Variants in DSCAML1 observed in about 807,000 individuals in gnomAD.
The protein encoded by DSCAML1 is cell adhesion molecule DSCAML1.
Under a neutral mutation model 200.5 loss-of-function variants are expected in DSCAML1, and 38 were observed. The ratio of observed to expected loss-of-function variants is 0.19; its 90% CI spans 0.15 to 0.25. DSCAML1 has a LOEUF of 0.25. Among genes scored for constraint, DSCAML1 ranks in the 10% least tolerant of loss-of-function variants. The pLI is 1.00. For missense variants in DSCAML1, 2,223 were observed against 2,858.8 expected, an observed-to-expected ratio of 0.78 and a Z score of 5.07; for synonymous variants, 1,215 against 1,165.0, an observed-to-expected ratio of 1.04 and a Z score of -0.87.
intron 3 of DSCAML1, among the ~76,000 whole-genome samples, chr11:117,728,315 A>G (rs2054166363): frequency 6.6e-6 from 1 of 152,220 alleles, no homozygotes. Flanking sequence ...ATAAACCTCT[A>G]GCTAACATCA....
At chr11:117,499,769 G>A (rs906508109) in intron 11 of DSCAML1, among the ~76,000 whole-genome samples, 1 of 152,192 alleles carries the variant, frequency 6.6e-6, no homozygotes, top group African/African-American at 2.4e-5. Context: ...GGGACCACTT[G>A]GGCCTGGTTG....
chr11:117,474,513 G>A (rs1332324108), intron 14 of DSCAML1, among the ~76,000 whole-genome samples: 2 of 152,008 alleles, frequency 1.3e-5, no homozygotes, highest in Non-Finnish European at 2.9e-5. Flanking sequence ...TCCAGCCTGG[G>A]CCTCTCCTTC....
intron 3 of DSCAML1, among the ~76,000 whole-genome samples, chr11:117,704,715 A>G (rs2053728751): frequency 6.6e-6 from 1 of 152,188 alleles, no homozygotes; most frequent in Non-Finnish European, 1.5e-5. Flanking sequence ...GGTAGGTGTC[A>G]TGCACACCCA....
intron 3 of DSCAML1, among the ~76,000 whole-genome samples, chr11:117,641,698 G>A (rs1308202365): frequency 2.0e-5 from 3 of 152,102 alleles, no homozygotes; most frequent in Non-Finnish European, 4.4e-5. Flanking sequence ...ACTCACAACT[G>A]CACCCCCACC....
At position 117,443,742 on chromosome 11, in the gene DSCAML1, C is replaced by A. The variant is rs111351342; in HGVS notation, c.3862+144G>T. The A allele has an allele frequency of 7.5e-4, 867 of 1,163,160 alleles. 7 individuals are homozygous for A. In the African/African-American group the frequency reaches 0.012, roughly 17 times the overall value. 72.1% of individuals were successfully genotyped at this position (1,163,160 alleles called of 1,614,324 possible). ...AGCAGAGGCCCAGTCTTGGTGTGTG[C>A]GGGAGGCAGGCGGGTGGCCAGTTCC... On this transcript the variant is annotated intron_variant, in intron 21 of 32. Transcript: ENST00000651296.
intron 8 of DSCAML1, among the ~76,000 whole-genome samples, chr11:117,512,789 A>ACACACACACACC (rs2049663841): frequency 6.7e-6 from 1 of 150,128 alleles, no homozygotes; most frequent in African/African-American, 2.4e-5. Context: ...ACACACACAC[A>ACACACACACACC]CACACACACA....
chr11:117,810,013 T>G (rs1443379091), intron 1 of DSCAML1, among the ~76,000 whole-genome samples: 2 of 150,364 alleles, frequency 1.3e-5, no homozygotes, highest in African/African-American at 4.9e-5. Context: ...ATTCCCACAC[T>G]CACACATATT....
chr11:117,569,790 G>A (rs916950367), intron 3 of DSCAML1, among the ~76,000 whole-genome samples: 1 of 152,182 alleles, frequency 6.6e-6, no homozygotes, highest in Non-Finnish European at 1.5e-5. Flanking sequence ...CTCCAGGCCT[G>A]GCTCCCAAGG....
intron 20 of DSCAML1, 127 bp from the exon 21 acceptor site, chr11:117,444,166 A>G: frequency 2.6e-6 from 3 of 1,162,706 alleles, no homozygotes; most frequent in South Asian, 1.7e-5. Context: ...ATTCTGTCCT[A>G]TTTGCCCTTT....
chr11:117,442,492 T>A (rs1176312057), intron 21 of DSCAML1, among the ~76,000 whole-genome samples: 7 of 151,948 alleles, frequency 4.6e-5, no homozygotes, highest in African/African-American at 1.5e-4. Flanking sequence ...CGTGTGCACA[T>A]GTATGAGTGT....
chr11:117,751,890 G>A (rs1266562087), intron 3 of DSCAML1, among the ~76,000 whole-genome samples: 1 of 152,180 alleles, frequency 6.6e-6, no homozygotes. Context: ...CCAGGTCTAT[G>A]TCTGGATCCA....
chr11:117,543,804 T>TC (rs780856009), intron 3 of DSCAML1, among the ~76,000 whole-genome samples: 10 of 107,592 alleles, frequency 9.3e-5, no homozygotes, highest in Admixed American at 7.6e-4. Flanking sequence ...TAGGGCAGTT[T>TC]TTTTTTTGTT....
rs549452935 is a variant in DSCAML1 at position 117,632,152 on chromosome 11, G to T, written c.512-99630C>A. 2.6e-5 allele frequency among the ~76,000 whole-genome samples: 4 copies of T among 152,334 alleles called. No homozygotes were observed. The South Asian group carries it at 8.3e-4, about 32-fold the overall frequency. On this transcript the variant is annotated intron_variant, in intron 3 of 32. Coordinates refer to ENST00000651296, the MANE Select transcript of DSCAML1 (RefSeq NM_020693.4). ...CAGTCACTGGCCCCAGGTCATCACGGACTATTAGAGTTAGGAGAGACATCA... is the reference window on the plus strand; with the variant it reads ...CAGTCACTGGCCCCAGGTCATCACGTACTATTAGAGTTAGGAGAGACATCA...
intron 3 of DSCAML1, among the ~76,000 whole-genome samples, chr11:117,553,842 A>G (rs1387371762): frequency 6.6e-6 from 1 of 152,278 alleles, no homozygotes; most frequent in Non-Finnish European, 1.5e-5. Context: ...TGGAAGAGGT[A>G]TTTGTACACC....
chr11:117,432,731 CCTT>C (rs1458290478), intron 29 of DSCAML1, among the ~76,000 whole-genome samples: 1 of 151,756 alleles, frequency 6.6e-6, no homozygotes, highest in Non-Finnish European at 1.5e-5. Flanking sequence ...CCTACCTCAA[CCTT>C]CTGAGTAGTT....
chr11:117,786,841 A>G (rs1047369739), intron 1 of DSCAML1, among the ~76,000 whole-genome samples: 10 of 152,120 alleles, frequency 6.6e-5, no homozygotes, highest in African/African-American at 2.4e-4. Context: ...GGCCCCTGCC[A>G]CACCCCCTCA....
intron 3 of DSCAML1, among the ~76,000 whole-genome samples, chr11:117,760,748 G>A (rs184340662): frequency 6.6e-6 from 1 of 152,170 alleles, no homozygotes; most frequent in Non-Finnish European, 1.5e-5. Context: ...TCCCCTGAAG[G>A]GCACAGACCT....
rs1491351769 is a variant in DSCAML1, at chr11:117,780,160, A to AG, written c.364+332_364+333insC. Among the ~76,000 whole-genome samples, 16 of 140,048 alleles carry AG rather than the reference A, an allele frequency of 1.1e-4. No individual in the cohort carries two copies. The East Asian group carries it at 1.2e-3, about 11-fold the overall frequency. The allele number at this position is 140,048 out of a possible 152,430, so 91.9% of individuals were successfully genotyped here. A position where few individuals can be genotyped will look rare whatever the true frequency, so the allele number is the denominator to read the frequency against. ...AAAAGAAAGAGAGAGAGAGAGAGAG[A>AG]AAGAAAGAAAGAAAAAAAGAAAAAA... On this transcript the variant is annotated intron_variant, in intron 2 of 32. Transcript: ENST00000651296. This position sits in a 1 kb window ranked among gnomAD's most constrained non-coding sequence, Gnocchi z 4.8.
intron 3 of DSCAML1, among the ~76,000 whole-genome samples, chr11:117,711,677 A>G (rs909499566): frequency 2.0e-5 from 3 of 152,196 alleles, no homozygotes; most frequent in Non-Finnish European, 4.4e-5. Context: ...AGAAGATTCA[A>G]TTCTGCCGGT....
Sources: gnomAD v4.1 joint callset for allele counts (sites outside exome capture counted in the v4.1 genomes callset) on GRCh38, gnomAD v4.1.1 for gene constraint, Gnocchi (gnomAD v3.1) non-coding constraint, MANE v1.5 for transcripts, NCBI Gene and HGNC (gene_info 2026-07-23, HGNC 2026-07-21) for gene names.